The following CNTD1 variants were observed in gnomAD, a reference collection of about 807,000 sequenced individuals.
The protein encoded by CNTD1 is cyclin N-terminal domain containing 1, also known as cyclin N-terminal domain-containing protein 1.
A neutral mutation model predicts 36.3 loss-of-function variants in CNTD1; 17 were observed. The ratio of observed to expected loss-of-function variants is 0.47; its 90% CI spans 0.32 to 0.70. CNTD1 has a LOEUF of 0.70. CNTD1 is among the 30% of genes least tolerant of loss of function. CNTD1 has a pLI of 0.03. For synonymous variants in CNTD1, 128 were observed against 153.3 expected, an observed-to-expected ratio of 0.83 and a Z score of 1.22; for missense variants, 338 against 386.1, an observed-to-expected ratio of 0.88 and a Z score of 1.04.
chr17:42,802,471 C>T (rs866530766), intron 1 of CNTD1, among the ~76,000 whole-genome samples: 1 of 152,076 alleles, frequency 6.6e-6, no homozygotes, highest in African/African-American at 2.4e-5. Context: ...CACACATACA[C>T]AAAGAACAAA....
In CNTD1 at chr17:42,807,850, G is replaced by C; in HGVS notation, c.808G>C (p.Glu270Gln). 1.2e-6 allele frequency: 2 copies of C among 1,612,040 alleles called. No homozygotes were observed. Among genetic ancestry groups the C allele is most frequent in the Non-Finnish European group, 1.7e-6 (2 of 1,178,062 alleles). ...AGCAAGTGCTTTCATCCAAAACCAT[G>C]AGTGTTGGAGCCAGGTATGCACCAC... The part of the protein sequence containing the change: ...IAASAFIQNH[E>Q]CWSQVVGHLQ... Residue 270 changes from glutamate (E) to glutamine (Q), a missense_variant, in exon 6 of 7, where the codon GAG becomes CAG. Physicochemically the swap from Glu to Gln is conservative, Grantham distance 29. Coordinates refer to ENST00000588408, the MANE Select transcript of CNTD1 (RefSeq NM_173478.3).
At position 42,798,893 on chromosome 17, in the gene CNTD1, C is replaced by T; in HGVS notation, c.-175C>T. On this transcript the variant is annotated 5_prime_UTR_variant, in exon 1 of 7. Coordinates refer to ENST00000588408, the MANE Select transcript of CNTD1 (RefSeq NM_173478.3). ...CCGTGGCCGTTGGGGCGGGAAAAAG[C>T]TGTGGAGGGTTCGAGGCTGTGGTGG... 6.9e-7 allele frequency: 1 copy of T among 1,443,418 alleles called. No individual in the cohort carries two copies. Among genetic ancestry groups the T allele is most frequent in the South Asian group, 1.5e-5 (1 of 67,498 alleles). 89.4% of individuals were successfully genotyped at this position (1,443,418 alleles called of 1,614,324 possible).
chr17:42,800,069 TAAA>T (rs769118587), intron 1 of CNTD1, among the ~76,000 whole-genome samples: 8 of 63,958 alleles, frequency 1.3e-4, no homozygotes, highest in South Asian at 9.0e-4. Flanking sequence ...AGACTCTGTC[TAAA>T]AAAAAAAAAA....
At chr17:42,802,174 C>T (rs1239792492) in intron 1 of CNTD1, among the ~76,000 whole-genome samples, 1 of 151,984 alleles carries the variant, frequency 6.6e-6, no homozygotes, top group African/African-American at 2.4e-5. Flanking sequence ...TGAGACCAGC[C>T]TGGGCAACAT....
rs2054973161 is a variant in CNTD1, at chr17:42,810,509, GAAGA to G, written c.*978_*981del. On this transcript the variant is annotated 3_prime_UTR_variant, in exon 7 of 7. Coordinates refer to ENST00000588408, the MANE Select transcript of CNTD1 (RefSeq NM_173478.3). ...CAAATTTAAATTAGTTTTTTTCAGA[GAAGA>G]AAGGGAAAGGAGTCCATGGGGTTAA... is the stretch of plus-strand genomic sequence containing the variant. 2 of 315,968 alleles carry G rather than the reference GAAGA, an allele frequency of 6.3e-6. No homozygotes were observed. Among genetic ancestry groups the G allele is most frequent in the East Asian group, 1.0e-4 (2 of 19,338 alleles). 19.6% of individuals were successfully genotyped at this position (315,968 alleles called of 1,614,324 possible). A position where few individuals can be genotyped will look rare whatever the true frequency, so the allele number is the denominator to read the frequency against.
intron 1 of CNTD1, among the ~76,000 whole-genome samples, chr17:42,802,100 A>G (rs1186177364): frequency 6.6e-6 from 1 of 152,202 alleles, no homozygotes; most frequent in Non-Finnish European, 1.5e-5. Flanking sequence ...TGGGTGTGTA[A>G]GCCAGGCTTT....
At position 42,799,253 on chromosome 17, in the gene CNTD1, G is replaced by A. The variant is rs761448980; in HGVS notation, c.169+17G>A. 1.2e-6 allele frequency: 2 copies of A among 1,608,216 alleles called. No homozygotes were observed. The highest frequency in any genetic ancestry group is 1.1e-5 in the South Asian group (1 of 90,586). On this transcript the variant is annotated intron_variant, in intron 1 of 6. Coordinates refer to ENST00000588408, the MANE Select transcript of CNTD1 (RefSeq NM_173478.3). Reference sequence around the variant, plus strand: ...AGATCGTGGGTGCGGCTGCAGGGCCGGGGTGCTGGGTTCTTGGGAGACTGG... The same window carrying A: ...AGATCGTGGGTGCGGCTGCAGGGCCAGGGTGCTGGGTTCTTGGGAGACTGG...
Position 42,811,081 on chromosome 17 carries a change from C to T in CNTD1, c.*1546C>T. The stretch of plus-strand genomic sequence containing the variant: ...GTGTATTTTGGATTTGCTTGAAAGC[C>T]AAAAATCAAGAAGACTGTCACAAGA... On this transcript the variant is annotated 3_prime_UTR_variant, in exon 7 of 7. Coordinates refer to ENST00000588408, the MANE Select transcript of CNTD1 (RefSeq NM_173478.3). 1.3e-6 allele frequency: 1 copy of T among 758,112 alleles called. No homozygotes were observed. The highest frequency in any genetic ancestry group is 2.0e-6 in the Non-Finnish European group (1 of 508,388). 47.0% of individuals were successfully genotyped at this position (758,112 alleles called of 1,614,324 possible).
At chr17:42,803,417 T>C (rs2144119296) in intron 1 of CNTD1, among the ~76,000 whole-genome samples, 1 of 152,344 alleles carries the variant, frequency 6.6e-6, no homozygotes. Flanking sequence ...TCTTTGGCAC[T>C]CAGTCAGCCT....
chr17:42,804,188 G>T, intron 2 of CNTD1, 37 bp from the exon 3 acceptor site: 1 of 1,576,540 alleles, frequency 6.3e-7, no homozygotes, highest in South Asian at 1.1e-5. Context: ...TAGTTTGTGT[G>T]AGTGAGGATT....
At chr17:42,806,098 G>A (rs953905469) in intron 4 of CNTD1, among the ~76,000 whole-genome samples, 1 of 151,968 alleles carries the variant, frequency 6.6e-6, no homozygotes, top group African/African-American at 2.4e-5. Context: ...TGTGGTGGTG[G>A]GCACCTGTAA....
At chr17:42,807,052 C>T (rs2054891116) in intron 5 of CNTD1, among the ~76,000 whole-genome samples, 1 of 152,146 alleles carries the variant, frequency 6.6e-6, no homozygotes, top group Non-Finnish European at 1.5e-5. Context: ...TAATATATTT[C>T]CTTTCCTAGT....
At position 42,804,389 on chromosome 17, in the gene CNTD1, G is replaced by A. The variant is rs753249329; in HGVS notation, c.410G>A (p.Arg137Gln). Residue 137 changes from arginine (R) to glutamine (Q), a missense_variant, in exon 3 of 7, where the codon CGA (arginine) becomes CAA (glutamine). Coordinates refer to ENST00000588408, the MANE Select transcript of CNTD1 (RefSeq NM_173478.3). ...CAGCTGGCCAGCAAACTTTCCTTCC[G>A]AAACAAAGTAAGGAGCTGGGGTTGC... ...CVQLASKLSF[R>Q]NKIISNITVL... 8.1e-6 allele frequency: 13 copies of A among 1,613,590 alleles called. No individual in the cohort carries two copies. The highest frequency in any genetic ancestry group is 5.3e-5 in the African/African-American group (4 of 74,992).
intron 3 of CNTD1, 152 bp from the exon 4 acceptor site, chr17:42,805,570 T>G: frequency 1.6e-6 from 1 of 635,778 alleles, no homozygotes; most frequent in Non-Finnish European, 2.6e-6. Context: ...CTGTAAGCAA[T>G]TTGGAATGAC....
intron 1 of CNTD1, among the ~76,000 whole-genome samples, chr17:42,802,069 T>C (rs1185245875): frequency 6.6e-6 from 1 of 152,002 alleles, no homozygotes; most frequent in East Asian, 1.9e-4. Context: ...AATTAGGAAG[T>C]GAACGATGAA....
At chr17:42,805,924 A>G in intron 4 of CNTD1, 40 bp downstream of exon 4, 1 of 1,556,798 alleles carries the variant, frequency 6.4e-7, no homozygotes, top group East Asian at 2.3e-5. Flanking sequence ...GGAGACTTCC[A>G]TAGAAGGCAA....
chr17:42,805,794 G>A lies in CNTD1; in HGVS notation c.490G>A (p.Glu164Lys). 6.2e-7 allele frequency: 1 copy of A among 1,614,012 alleles called. No homozygotes were observed. The highest frequency in any genetic ancestry group is 8.5e-7 in the Non-Finnish European group (1 of 1,179,912). The part of the protein sequence containing the change: ...GYLHTKEELL[E>K]SELDVLKSLN... ...TCTACACACTAAAGAAGAACTGCTG[G>A]AATCAGAGCTTGATGTTTTGAAGTC... Residue 164 changes from glutamate to lysine, a missense_variant, in exon 4 of 7, where the codon GAA becomes AAA. Physicochemically the swap from Glu to Lys is moderately conservative, Grantham distance 56. Coordinates refer to ENST00000588408, the MANE Select transcript of CNTD1 (RefSeq NM_173478.3).
At chr17:42,806,945 G>A (rs1339491080) in intron 5 of CNTD1, 127 bp downstream of exon 5, 9 of 753,434 alleles carry the variant, frequency 1.2e-5, no homozygotes, top group African/African-American at 1.8e-5. Context: ...AGGCTACCTG[G>A]TTCTCATTAG....
rs1271483407 is a variant in CNTD1 at position 42,810,122 on chromosome 17, T to C, written c.*587T>C. ...TCTATTTTAAAGAAAAACCCAACAG[T>C]GCACCCCTGGGCAGTTTTCAGACTG... On this transcript the variant is annotated 3_prime_UTR_variant, in exon 7 of 7. Coordinates refer to ENST00000588408, the MANE Select transcript of CNTD1 (RefSeq NM_173478.3). The C allele has an allele frequency of 1.3e-5, 2 of 152,272 alleles. No homozygotes were observed. The highest frequency in any genetic ancestry group is 2.9e-5 in the Non-Finnish European group (2 of 68,124). The allele number at this position is 152,272 out of a possible 1,614,324, so 9.4% of individuals were successfully genotyped here.
Sources: gnomAD v4.1 joint callset for allele counts (sites outside exome capture counted in the v4.1 genomes callset) on GRCh38, gnomAD v4.1.1 for gene constraint, MANE v1.5 for transcripts, NCBI Gene and HGNC (gene_info 2026-07-23, HGNC 2026-07-21) for gene names.